Variants in SORCS3 observed in about 807,000 individuals in gnomAD.
SORCS3 encodes VPS10 domain-containing receptor SorCS3.
SORCS3 carries 57 observed loss-of-function variants against 146.3 expected under a neutral mutation model. That is an observed-to-expected ratio of 0.39 (90% CI 0.31 to 0.49). The LOEUF is 0.49. Ranked by LOEUF, SORCS3 falls within the 20% of genes least tolerant of loss-of-function variation. SORCS3 has a pLI of 0.92. For missense variants in SORCS3, 1,341 were observed against 1,575.5 expected (o/e 0.85, Z 2.52); for synonymous variants, 653 against 618.5 (o/e 1.06, Z -0.83).
intron 9 of SORCS3, among the ~76,000 whole-genome samples, chr10:105,156,305 A>G (rs2056208370): frequency 6.6e-6 from 1 of 152,248 alleles, no homozygotes; most frequent in Admixed American, 6.5e-5. Flanking sequence ...TGTTGTCATT[A>G]TAAGTATCTG....
chr10:104,749,601 C>T (rs1445137796), intron 1 of SORCS3, among the ~76,000 whole-genome samples: 1 of 152,068 alleles, frequency 6.6e-6, no homozygotes, highest in Non-Finnish European at 1.5e-5. Flanking sequence ...AGCAGAGGCA[C>T]TAGGATAATC....
chr10:105,131,851 G>A (rs2133772851), intron 7 of SORCS3, among the ~76,000 whole-genome samples: 1 of 152,214 alleles, frequency 6.6e-6, no homozygotes, highest in East Asian at 1.9e-4. Flanking sequence ...CGCACGGACA[G>A]TACCAAGGGA....
chr10:104,935,654 A>G (rs2019252623), intron 3 of SORCS3, among the ~76,000 whole-genome samples: 1 of 147,878 alleles, frequency 6.8e-6, no homozygotes, highest in African/African-American at 2.5e-5. Flanking sequence ...AGAGGCACTG[A>G]TTCTGCCCGG....
intron 5 of SORCS3, among the ~76,000 whole-genome samples, chr10:105,076,390 G>A (rs1455217432): frequency 6.6e-6 from 1 of 152,136 alleles, no homozygotes; most frequent in Non-Finnish European, 1.5e-5. Flanking sequence ...AGAATTGCAG[G>A]GCGGTGAGAT....
At chr10:105,238,223 C>A (rs1457408486) in intron 20 of SORCS3, among the ~76,000 whole-genome samples, 1 of 152,100 alleles carries the variant, frequency 6.6e-6, no homozygotes, top group East Asian at 1.9e-4. Context: ...TTTTTAAGAG[C>A]CTGTCGTTTG....
intron 16 of SORCS3, among the ~76,000 whole-genome samples, chr10:105,203,977 T>A (rs1275409946): frequency 6.6e-6 from 1 of 152,160 alleles, no homozygotes. Context: ...TCTTGGGGTC[T>A]GATCCATTTA....
At chr10:105,095,546 G>C (rs1309289164) in intron 6 of SORCS3, among the ~76,000 whole-genome samples, 2 of 152,162 alleles carry the variant, frequency 1.3e-5, no homozygotes, top group Non-Finnish European at 2.9e-5. Flanking sequence ...AGGTGGGCCT[G>C]GGGAGGGTGT....
chr10:105,038,008 A>G (rs1485021406), intron 4 of SORCS3, among the ~76,000 whole-genome samples: 2 of 152,190 alleles, frequency 1.3e-5, no homozygotes, highest in African/African-American at 4.8e-5. Context: ...ATGTTCTTTC[A>G]TATTTTCCAG....
rs115355482 is a variant in SORCS3, at chr10:104,895,182, T to C, written c.696-20651T>C. 5.5e-3 allele frequency among the ~76,000 whole-genome samples: 841 copies of C among 152,308 alleles called. 14 individuals carry two copies. The highest frequency in any genetic ancestry group is 0.019 in the African/African-American group (780 of 41,566). ...GGCTTTCCTCTGCCTTCACCCAGCA[T>C]GCCATTTTTGTTTTTACCTATTTCA... On this transcript the variant is annotated intron_variant, in intron 2 of 26. Transcript: ENST00000369701.
chr10:104,684,067 C>G (rs1294083523), intron 1 of SORCS3, among the ~76,000 whole-genome samples: 1 of 152,202 alleles, frequency 6.6e-6, no homozygotes, highest in African/African-American at 2.4e-5. Context: ...GTTACTGTAT[C>G]TTGAAGTTTC....
At chr10:104,775,915 A>G (rs2017302469) in intron 1 of SORCS3, among the ~76,000 whole-genome samples, 1 of 152,158 alleles carries the variant, frequency 6.6e-6, no homozygotes, top group Non-Finnish European at 1.5e-5. Context: ...GTGCTTGATG[A>G]TGTGAACTTT....
chr10:104,743,456 C>T (rs572929800), intron 1 of SORCS3, among the ~76,000 whole-genome samples: 7 of 152,290 alleles, frequency 4.6e-5, no homozygotes, highest in African/African-American at 9.6e-5. Context: ...CATGGTTTCT[C>T]GGCTCAATGG....
chr10:105,217,232 A>G (rs1479849820), intron 19 of SORCS3, 110 bp downstream of exon 19: 1 of 1,025,802 alleles, frequency 9.7e-7, no homozygotes, highest in Non-Finnish European at 1.5e-6. Flanking sequence ...GACTACTACA[A>G]TTACCCAAAC....
chr10:104,891,399 G>A (rs529492560), intron 2 of SORCS3, among the ~76,000 whole-genome samples: 43 of 152,296 alleles, frequency 2.8e-4, no homozygotes, highest in African/African-American at 9.6e-4. Flanking sequence ...GCAGCTGTCC[G>A]TTTTTCAGTA....
chr10:104,762,891 G>A (rs1055001232), intron 1 of SORCS3, among the ~76,000 whole-genome samples: 1 of 152,116 alleles, frequency 6.6e-6, no homozygotes, highest in South Asian at 2.1e-4. Flanking sequence ...ATAGCAATGT[G>A]AAAATAGACA....
chr10:105,033,718 G>T (rs2055285990), intron 4 of SORCS3, among the ~76,000 whole-genome samples: 1 of 152,150 alleles, frequency 6.6e-6, no homozygotes, highest in African/African-American at 2.4e-5. Context: ...AAAAAAGAGA[G>T]ATGGTGTTTA....
chr10:104,864,784 CA>C lies in SORCS3; in HGVS notation c.695+21928del, dbSNP rs1289282562. ...GATACTGCAAGAGGACCCAAATCAC[CA>C]AAGGCAAACTGGTGTTCTTTCAATC... On this transcript the variant is annotated intron_variant, in intron 2 of 26. Coordinates refer to ENST00000369701, the MANE Select transcript of SORCS3 (RefSeq NM_014978.3). Among the ~76,000 whole-genome samples, 4 of 152,288 alleles carry C rather than the reference CA, an allele frequency of 2.6e-5. No individual in the cohort carries two copies. In the East Asian group the frequency reaches 7.7e-4, roughly 29 times the overall value.
At chr10:105,161,147 C>T (rs529082884) in intron 11 of SORCS3, among the ~76,000 whole-genome samples, 12 of 152,260 alleles carry the variant, frequency 7.9e-5, no homozygotes, top group Admixed American at 2.6e-4. Flanking sequence ...CTTTTTATCT[C>T]CCCTTGTAAT....
At chr10:104,721,552 A>G (rs1473753911) in intron 1 of SORCS3, among the ~76,000 whole-genome samples, 5 of 151,674 alleles carry the variant, frequency 3.3e-5, no homozygotes, top group Non-Finnish European at 5.9e-5. Context: ...CATTGAATCT[A>G]TAAATTACCT....
Sources: gnomAD v4.1 joint callset for allele counts (sites outside exome capture counted in the v4.1 genomes callset) on GRCh38, gnomAD v4.1.1 for gene constraint, MANE v1.5 for transcripts, NCBI Gene and HGNC (gene_info 2026-07-23, HGNC 2026-07-21) for gene names.